The following WDR70 variants were observed in gnomAD, a reference collection of about 807,000 sequenced individuals.
WDR70 encodes the protein WD repeat-containing protein 70.
In WDR70, 53 loss-of-function variants were observed where a neutral mutation model predicts 88.6. The ratio of observed to expected loss-of-function variants is 0.60; its 90% CI spans 0.48 to 0.75. The LOEUF (loss-of-function observed/expected upper bound fraction) is 0.75. Among genes scored for constraint, WDR70 ranks in the 30% least tolerant of loss-of-function variants. WDR70 has a pLI of 0.00. For missense variants in WDR70, 610 were observed against 823.2 expected, an observed-to-expected ratio of 0.74 and a Z score of 3.17; for synonymous variants, 280 against 270.0, an observed-to-expected ratio of 1.04 and a Z score of -0.36.
chr5:37,711,661 T>C (rs1458404870), intron 13 of WDR70, among the ~76,000 whole-genome samples: 1 of 152,196 alleles, frequency 6.6e-6, no homozygotes, highest in Non-Finnish European at 1.5e-5. Context: ...TCCACACCTC[T>C]GTTGTCTTTG....
intron 5 of WDR70, among the ~76,000 whole-genome samples, chr5:37,419,788 G>A (rs1018507490): frequency 6.6e-6 from 1 of 151,966 alleles, no homozygotes; most frequent in Non-Finnish European, 1.5e-5. Context: ...CAGTCTGGGC[G>A]ACACAACGAG....
chr5:37,705,925 C>T (rs370118627), intron 13 of WDR70, among the ~76,000 whole-genome samples: 5 of 152,196 alleles, frequency 3.3e-5, no homozygotes, highest in African/African-American at 9.6e-5. Context: ...GCTCTTCCCA[C>T]GCCCTCTTCT....
chr5:37,446,451 T>C (rs1370489296), intron 7 of WDR70, among the ~76,000 whole-genome samples: 1 of 152,070 alleles, frequency 6.6e-6, no homozygotes, highest in Non-Finnish European at 1.5e-5. Context: ...TTAAAGTTCA[T>C]ATGGAACCAA....
chr5:37,726,996 G>A lies in WDR70; in HGVS notation c.1828G>A (p.Ala610Thr). ...TCCTCGGGAAGCCATTTTGCGTCAT[G>A]CCAAAGCAGCAGAAGACAGCCCATA... ...SNPREAILRH[A>T]KAAEDSPYWV... The change falls in exon 17 of 18, where the codon GCC becomes ACC. Residue 610 changes from alanine to threonine, a missense_variant. Coordinates refer to ENST00000265107, the MANE Select transcript of WDR70 (RefSeq NM_018034.4). 6.2e-7 allele frequency: 1 copy of A among 1,610,990 alleles called. No individual in the cohort carries two copies. The highest frequency in any genetic ancestry group is 1.1e-5 in the South Asian group (1 of 90,338).
At chr5:37,468,977 T>C (rs1324878340) in intron 7 of WDR70, among the ~76,000 whole-genome samples, 2 of 152,156 alleles carry the variant, frequency 1.3e-5, no homozygotes, top group African/African-American at 4.8e-5. Flanking sequence ...TAGTCCCCCA[T>C]GGATACTGAG....
intron 5 of WDR70, among the ~76,000 whole-genome samples, chr5:37,431,459 G>A (rs1750300655): frequency 6.6e-6 from 1 of 151,610 alleles, no homozygotes. Flanking sequence ...ATTTTAATAG[G>A]CTTCCCTGTG....
chr5:37,476,138 C>T (rs1436606519), intron 7 of WDR70, among the ~76,000 whole-genome samples: 1 of 152,044 alleles, frequency 6.6e-6, no homozygotes, highest in Non-Finnish European at 1.5e-5. Context: ...GCATGAGCCA[C>T]CGTGCCTGAT....
chr5:37,442,578 C>T (rs1366281686), intron 6 of WDR70, among the ~76,000 whole-genome samples: 1 of 152,138 alleles, frequency 6.6e-6, no homozygotes, highest in Non-Finnish European at 1.5e-5. Context: ...CTGCCTTGGC[C>T]TCCCGAAGTG....
At chr5:37,403,318 C>G (rs190254704) in intron 5 of WDR70, among the ~76,000 whole-genome samples, 1 of 152,300 alleles carries the variant, frequency 6.6e-6, no homozygotes, top group East Asian at 1.9e-4. Flanking sequence ...TTCAACACAT[C>G]TAAGATAAAA....
At chr5:37,446,051 G>C (rs1308742512) in intron 7 of WDR70, among the ~76,000 whole-genome samples, 1 of 152,152 alleles carries the variant, frequency 6.6e-6, no homozygotes, top group African/African-American at 2.4e-5. Flanking sequence ...CATCGTCTCA[G>C]CCCCAAAACT....
chr5:37,679,923 C>T (rs1459781450), intron 10 of WDR70, among the ~76,000 whole-genome samples: 1 of 152,272 alleles, frequency 6.6e-6, no homozygotes, highest in Admixed American at 6.5e-5. Flanking sequence ...TTTACCTAAG[C>T]AAGCCTGGGC....
intron 8 of WDR70, among the ~76,000 whole-genome samples, chr5:37,499,413 CTG>C (rs1740328191): frequency 6.6e-6 from 1 of 151,600 alleles, no homozygotes; most frequent in African/African-American, 2.4e-5. Context: ...CACACCCGGC[CTG>C]TGTTTGTCTT....
chr5:37,681,119 A>G (rs1746423357), intron 10 of WDR70, among the ~76,000 whole-genome samples: 1 of 151,682 alleles, frequency 6.6e-6, no homozygotes, highest in African/African-American at 2.4e-5. Context: ...TTCTTTGAGC[A>G]GTTTTTTTTT....
At chr5:37,383,505 G>T (rs1313566405) in intron 3 of WDR70, among the ~76,000 whole-genome samples, 2 of 151,824 alleles carry the variant, frequency 1.3e-5, no homozygotes, top group East Asian at 3.9e-4. Flanking sequence ...CAGGTGATCC[G>T]CCCGCCTCGG....
chr5:37,703,638 T>G (rs1299783144), intron 13 of WDR70, among the ~76,000 whole-genome samples: 1 of 152,228 alleles, frequency 6.6e-6, no homozygotes, highest in East Asian at 1.9e-4. Flanking sequence ...TCTTTACAGA[T>G]TTATATGAAC....
chr5:37,463,550 C>T (rs1739074768), intron 7 of WDR70, among the ~76,000 whole-genome samples: 2 of 152,202 alleles, frequency 1.3e-5, no homozygotes, highest in Admixed American at 1.3e-4. Context: ...CACTTCTACT[C>T]ATATACTCCA....
chr5:37,545,385 C>T (rs919361746), intron 9 of WDR70, among the ~76,000 whole-genome samples: 3 of 152,062 alleles, frequency 2.0e-5, no homozygotes, highest in African/African-American at 7.2e-5. Context: ...GTTTACATTA[C>T]GTTCCTGCAA....
At position 37,423,264 on chromosome 5, in the gene WDR70, A is replaced by C. The variant is rs558209351; in HGVS notation, c.493-14658A>C. Among the ~76,000 whole-genome samples, 349 of 152,100 alleles carry C rather than the reference A, an allele frequency of 2.3e-3. 2 individuals carry two copies. The highest frequency in any genetic ancestry group is 8.2e-3 in the African/African-American group (339 of 41,492). On this transcript the variant is annotated intron_variant, in intron 5 of 17. Transcript: ENST00000265107. ...AGGTTACAAGTGGAGTTAAATATAG[A>C]TTCCTGTCTAGATTCCAGAATTTCT...
chr5:37,456,160 T>G (rs1464557140), intron 7 of WDR70, among the ~76,000 whole-genome samples: 1 of 152,192 alleles, frequency 6.6e-6, no homozygotes, highest in South Asian at 2.1e-4. Context: ...AGTATTAACT[T>G]TATAGGAAAC....
Sources: allele counts gnomAD v4.1 joint callset (sites outside exome capture counted in the v4.1 genomes callset), GRCh38; gene constraint gnomAD v4.1.1; transcripts MANE v1.5; gene names NCBI Gene and HGNC (gene_info 2026-07-23, HGNC 2026-07-21).